SUPT3H: variants seen among roughly 807,000 people sequenced by gnomAD.
The protein encoded by SUPT3H is transcription initiation protein SPT3 homolog.
SUPT3H carries 44 observed loss-of-function variants against 44.3 expected under a neutral mutation model. The ratio of observed to expected loss-of-function variants is 0.99; its 90% CI spans 0.78 to 1.28. The LOEUF (loss-of-function observed/expected upper bound fraction) is 1.28. Among genes scored for constraint, SUPT3H ranks in the 50% most tolerant of loss-of-function variants. The pLI is 0.00. For missense variants in SUPT3H, 380 were observed against 387.1 expected, an observed-to-expected ratio of 0.98 and a Z score of 0.15; for synonymous variants, 124 against 125.6, an observed-to-expected ratio of 0.99 and a Z score of 0.09.
At chr6:45,302,419 G>A (rs1409084567) in intron 2 of SUPT3H, among the ~76,000 whole-genome samples, 1 of 149,754 alleles carries the variant, frequency 6.7e-6, no homozygotes, top group Non-Finnish European at 1.5e-5. Context: ...TCCAGGTGCT[G>A]TGAATGCCAT....
chr6:44,820,791 T>C (rs1330952814), intron 11 of SUPT3H, among the ~76,000 whole-genome samples: 1 of 152,190 alleles, frequency 6.6e-6, no homozygotes, highest in Non-Finnish European at 1.5e-5. Flanking sequence ...TATGATGTGC[T>C]AGAGCAGGGG....
At chr6:45,028,689 T>A (rs1786411836) in intron 3 of SUPT3H, among the ~76,000 whole-genome samples, 1 of 151,924 alleles carries the variant, frequency 6.6e-6, no homozygotes, top group African/African-American at 2.4e-5. Flanking sequence ...CACAGCAAAC[T>A]TATGAGAGAT....
Position 45,030,463 on chromosome 6 carries a change from C to T in SUPT3H, c.187-9831G>A, listed in dbSNP as rs1185445063. On this transcript the variant is annotated intron_variant, in intron 3 of 10. Transcript: ENST00000371459. ...AGCCCTTACTTGTTTCTTCAAAGGA[C>T]AAAAATATAACATGTAAGAGACTGA... Among the ~76,000 whole-genome samples the T allele has an allele frequency of 2.0e-5, 3 of 152,110 alleles. No homozygotes were observed. The East Asian group carries it at 5.8e-4, about 29-fold the overall frequency.
chr6:44,883,139 A>G (rs1270096601), intron 10 of SUPT3H, among the ~76,000 whole-genome samples: 1 of 152,184 alleles, frequency 6.6e-6, no homozygotes, highest in African/African-American at 2.4e-5. Context: ...AGAAAACTCA[A>G]TCATCTCAGC....
At chr6:45,178,823 C>T (rs1812537693) in intron 2 of SUPT3H, among the ~76,000 whole-genome samples, 1 of 151,976 alleles carries the variant, frequency 6.6e-6, no homozygotes. Flanking sequence ...CTACTGGGTA[C>T]ATAACGAAAT....
chr6:45,177,529 G>T (rs572913963), intron 2 of SUPT3H, among the ~76,000 whole-genome samples: 2 of 152,282 alleles, frequency 1.3e-5, no homozygotes, highest in African/African-American at 2.4e-5. Context: ...CCCCAATCTA[G>T]CAAGGCAGGC....
chr6:45,324,698 C>T (rs865856757), intron 2 of SUPT3H, among the ~76,000 whole-genome samples: 1 of 151,778 alleles, frequency 6.6e-6, no homozygotes, highest in Non-Finnish European at 1.5e-5. Context: ...TCCACATAAT[C>T]TCACATTTAG....
rs556882081 is a variant in SUPT3H, at chr6:45,172,924, T to C, written c.102-66918A>G. On this transcript the variant is annotated intron_variant, in intron 2 of 10. Transcript: ENST00000371459. ...TTAAAAATTCGTAGTTGAGGAATTA[T>C]ATTGGCTATCCTTCAACAGATAAAA... Among the ~76,000 whole-genome samples, 23 of 152,338 alleles carry C rather than the reference T, an allele frequency of 1.5e-4. No homozygotes were observed. In the East Asian group the frequency reaches 4.1e-3, roughly 27 times the overall value.
chr6:44,848,412 G>T (rs939572407), intron 10 of SUPT3H, among the ~76,000 whole-genome samples: 9 of 152,122 alleles, frequency 5.9e-5, no homozygotes, highest in Non-Finnish European at 1.3e-4. Context: ...ATTAATTTCT[G>T]GTGACAGGCC....
chr6:44,991,565 G>A (rs751599423), intron 6 of SUPT3H, among the ~76,000 whole-genome samples: 2 of 151,536 alleles, frequency 1.3e-5, no homozygotes, highest in South Asian at 2.1e-4. Flanking sequence ...TGTTGCCTAC[G>A]CTGGAGTACA....
intron 5 of SUPT3H, among the ~76,000 whole-genome samples, chr6:45,006,196 C>T (rs1046267582): frequency 2.6e-5 from 4 of 151,938 alleles, no homozygotes; most frequent in Non-Finnish European, 4.4e-5. Flanking sequence ...ATTTGTTCAT[C>T]GCATTATTTA....
At chr6:44,897,837 CCTT>C (rs1764338729) in intron 10 of SUPT3H, among the ~76,000 whole-genome samples, 1 of 152,162 alleles carries the variant, frequency 6.6e-6, no homozygotes, top group Non-Finnish European at 1.5e-5. Context: ...CCCCCAAACT[CCTT>C]CTTCACTGAG....
At chr6:45,259,175 C>G (rs925796552) in intron 2 of SUPT3H, among the ~76,000 whole-genome samples, 2 of 151,886 alleles carry the variant, frequency 1.3e-5, no homozygotes, top group African/African-American at 4.8e-5. Flanking sequence ...AAATAAGATG[C>G]GTTTATCAGA....
chr6:45,274,653 G>C (rs964442611), intron 2 of SUPT3H, among the ~76,000 whole-genome samples: 2 of 152,242 alleles, frequency 1.3e-5, no homozygotes, highest in African/African-American at 4.8e-5. Context: ...GGCTGAGGCA[G>C]GTGGATGGCT....
At chr6:45,230,686 A>ATATATATATATATATATATATATATTTT (rs796866510) in intron 2 of SUPT3H, among the ~76,000 whole-genome samples, 2 of 116,794 alleles carry the variant, frequency 1.7e-5, no homozygotes, top group African/African-American at 6.3e-5. Context: ...ATATATATAT[A>ATATATATATATATATATATATATATTTT]TTTTTGAGAT....
intron 3 of SUPT3H, among the ~76,000 whole-genome samples, chr6:45,079,136 C>T (rs868327500): frequency 5.9e-5 from 9 of 151,990 alleles, no homozygotes; most frequent in South Asian, 2.1e-4. Flanking sequence ...AGTGAAACCC[C>T]GTCTCTACAA....
At chr6:45,162,939 G>C (rs1292937473) in intron 2 of SUPT3H, among the ~76,000 whole-genome samples, 1 of 152,164 alleles carries the variant, frequency 6.6e-6, no homozygotes, top group Non-Finnish European at 1.5e-5. Context: ...TCCAAAGACT[G>C]TCTGCATCCC....
In SUPT3H at chr6:44,950,714, C is replaced by T. The variant is rs1363113470; in HGVS notation, c.801+2596G>A. The stretch of plus-strand genomic sequence containing the variant: ...TATGGTTAGTGCTCAAGAATGATAC[C>T]CCTTAAAATAAAATGCACTGTGTAT... On this transcript the variant is annotated intron_variant, in intron 9 of 10. Transcript: ENST00000371459. 3.3e-5 allele frequency among the ~76,000 whole-genome samples: 5 copies of T among 151,798 alleles called. No homozygotes were observed. The South Asian group carries it at 6.2e-4, about 19-fold the overall frequency.
chr6:45,093,368 C>T (rs1049841062), intron 3 of SUPT3H, among the ~76,000 whole-genome samples: 1 of 152,050 alleles, frequency 6.6e-6, no homozygotes, highest in Non-Finnish European at 1.5e-5. Context: ...CTTTAGAAGA[C>T]GGCCTCACAC....
Sources: allele counts gnomAD v4.1 joint callset (sites outside exome capture counted in the v4.1 genomes callset), GRCh38; gene constraint gnomAD v4.1.1; transcripts MANE v1.5; gene names NCBI Gene and HGNC (gene_info 2026-07-23, HGNC 2026-07-21).